Variants in MINDY2 observed in about 807,000 individuals in gnomAD.
MINDY2 encodes the protein ubiquitin carboxyl-terminal hydrolase MINDY-2.
A neutral mutation model predicts 68.2 loss-of-function variants in MINDY2; 52 were observed. The observed-to-expected ratio is 0.76, with a 90% CI of 0.61 to 0.96. The LOEUF is 0.96. Ranked by LOEUF, MINDY2 falls within the 40% of genes least tolerant of loss-of-function variation. MINDY2 has a pLI of 0.00. For synonymous variants in MINDY2, 372 were observed against 303.0 expected (o/e 1.23, Z -2.36); for missense variants, 881 against 773.4 (o/e 1.14, Z -1.65).
At chr15:58,797,951 C>G (rs601795) in intron 2 of MINDY2, among the ~76,000 whole-genome samples, 39,616 of 151,942 alleles carry the variant, frequency 0.26, 5,651 homozygotes, top group East Asian at 0.62. Context: ...GAAGAGGAAA[C>G]CAATGTTCAG....
chr15:58,784,693 C>T (rs1280553363), intron 1 of MINDY2, among the ~76,000 whole-genome samples: 1 of 147,322 alleles, frequency 6.8e-6, no homozygotes, highest in Non-Finnish European at 1.5e-5. Context: ...GATAGCGGCT[C>T]ACTTCAGCTT....
At chr15:58,822,792 A>G (rs1298542649) in intron 5 of MINDY2, among the ~76,000 whole-genome samples, 3 of 152,212 alleles carry the variant, frequency 2.0e-5, no homozygotes, top group East Asian at 1.9e-4. Context: ...AAAAATATAC[A>G]TAAATACTGA....
intron 1 of MINDY2, among the ~76,000 whole-genome samples, chr15:58,778,158 T>C (rs1900895977): frequency 6.6e-6 from 1 of 152,170 alleles, no homozygotes; most frequent in Non-Finnish European, 1.5e-5. Context: ...TTATAGGTTC[T>C]GAGGCCAACA....
At chr15:58,838,582 A>G (rs1316395652) in intron 6 of MINDY2, among the ~76,000 whole-genome samples, 2 of 93,088 alleles carry the variant, frequency 2.1e-5, no homozygotes, top group Non-Finnish European at 3.8e-5. Context: ...CTTTTTAGGG[A>G]TTTTTTTTTT....
chr15:58,845,169 G>A (rs1385001211), intron 6 of MINDY2, among the ~76,000 whole-genome samples: 1 of 151,876 alleles, frequency 6.6e-6, no homozygotes, highest in East Asian at 1.9e-4. Flanking sequence ...ACTTTGGGAG[G>A]CCCAGGTGGG....
intron 5 of MINDY2, among the ~76,000 whole-genome samples, chr15:58,827,995 G>T (rs2031504862): frequency 6.6e-6 from 1 of 151,872 alleles, no homozygotes; most frequent in Non-Finnish European, 1.5e-5. Flanking sequence ...CACTTTGGGA[G>T]GCCGAGGTGG....
At chr15:58,816,648 A>G (rs1595744671) in intron 4 of MINDY2, among the ~76,000 whole-genome samples, 1 of 151,834 alleles carries the variant, frequency 6.6e-6, no homozygotes, top group East Asian at 1.9e-4. Flanking sequence ...AGATCACTAT[A>G]CAGATAGAAC....
chr15:58,779,085 G>A (rs1318761588), intron 1 of MINDY2, among the ~76,000 whole-genome samples: 2 of 150,468 alleles, frequency 1.3e-5, no homozygotes, highest in East Asian at 1.9e-4. Flanking sequence ...TCTCTTTAGA[G>A]ATGTGTCTCA....
At chr15:58,801,820 A>T (rs1026020868) in intron 2 of MINDY2, among the ~76,000 whole-genome samples, 1 of 152,000 alleles carries the variant, frequency 6.6e-6, no homozygotes, top group Non-Finnish European at 1.5e-5. Flanking sequence ...TTGTATTTTT[A>T]GTAGAGTTGG....
intron 3 of MINDY2, among the ~76,000 whole-genome samples, chr15:58,805,056 C>T (rs1902926119): frequency 6.6e-6 from 1 of 152,186 alleles, no homozygotes; most frequent in South Asian, 2.1e-4. Context: ...ACTCCCATTA[C>T]ACTGATCAGG....
chr15:58,817,168 T>A (rs986650999), intron 4 of MINDY2, among the ~76,000 whole-genome samples: 13 of 152,106 alleles, frequency 8.5e-5, no homozygotes, highest in Non-Finnish European at 1.3e-4. Flanking sequence ...CCAAACAGAA[T>A]GTAAAAGCAA....
chr15:58,790,549 T>G (rs1193313689), intron 2 of MINDY2, among the ~76,000 whole-genome samples: 2 of 151,748 alleles, frequency 1.3e-5, no homozygotes, highest in African/African-American at 4.8e-5. Flanking sequence ...TTGGATTTAA[T>G]AAGAATTCTC....
At chr15:58,845,912 G>A (rs1264611818) in intron 6 of MINDY2, among the ~76,000 whole-genome samples, 1 of 152,180 alleles carries the variant, frequency 6.6e-6, no homozygotes, top group African/African-American at 2.4e-5. Flanking sequence ...GATGGAACTG[G>A]AGGTCATAAT....
chr15:58,827,646 A>T (rs1394994878), intron 5 of MINDY2, among the ~76,000 whole-genome samples: 4 of 151,970 alleles, frequency 2.6e-5, no homozygotes, highest in African/African-American at 7.2e-5. Context: ...TTGTACTTTT[A>T]GTAGAGACAG....
At chr15:58,816,651 G>C (rs1165496731) in intron 4 of MINDY2, among the ~76,000 whole-genome samples, 1 of 151,698 alleles carries the variant, frequency 6.6e-6, no homozygotes, top group African/African-American at 2.4e-5. Flanking sequence ...TCACTATACA[G>C]ATAGAACTAG....
chr15:58,832,531 T>C (rs535539436), intron 6 of MINDY2, among the ~76,000 whole-genome samples: 108 of 128,654 alleles, frequency 8.4e-4, no homozygotes, highest in Non-Finnish European at 1.4e-3. Context: ...CCCAGACTTT[T>C]TTTTTTTTCT....
chr15:58,844,012 ATATTAT>A (rs1374435024), intron 6 of MINDY2, among the ~76,000 whole-genome samples: 1 of 151,780 alleles, frequency 6.6e-6, no homozygotes, highest in African/African-American at 2.4e-5. Context: ...AACCTATTCT[ATATTAT>A]TATTTATGAA....
intron 8 of MINDY2, among the ~76,000 whole-genome samples, chr15:58,852,737 C>T (rs2032884724): frequency 6.6e-6 from 1 of 151,982 alleles, no homozygotes; most frequent in Non-Finnish European, 1.5e-5. Context: ...TTAGCACTTA[C>T]CCCAATTTTT....
chr15:58,846,655 C>T (rs1231851896), intron 6 of MINDY2, among the ~76,000 whole-genome samples: 3 of 149,648 alleles, frequency 2.0e-5, no homozygotes, highest in African/African-American at 7.4e-5. Context: ...ACTATGTATC[C>T]ACAAAAATTA....
Sources: gnomAD v4.1 joint callset for allele counts (sites outside exome capture counted in the v4.1 genomes callset) on GRCh38, gnomAD v4.1.1 for gene constraint, MANE v1.5 for transcripts, NCBI Gene and HGNC (gene_info 2026-07-23, HGNC 2026-07-21) for gene names.